Variants in COL13A1 observed in about 807,000 individuals in gnomAD.
COL13A1 encodes the protein collagen alpha-1(XIII) chain.
In COL13A1, 89 loss-of-function variants were observed where a neutral mutation model predicts 130.9. That is an observed-to-expected ratio of 0.68 (90% CI 0.57 to 0.81). The LOEUF (loss-of-function observed/expected upper bound fraction) is 0.81. Among genes scored for constraint, COL13A1 ranks in the 30% least tolerant of loss-of-function variants. The pLI is 0.00. For synonymous variants in COL13A1, 402 were observed against 341.6 expected (o/e 1.18, Z -1.95); for missense variants, 879 against 934.6 (o/e 0.94, Z 0.78).
At chr10:69,844,468 C>T (rs756676568) in intron 2 of COL13A1, among the ~76,000 whole-genome samples, 5 of 152,328 alleles carry the variant, frequency 3.3e-5, no homozygotes, top group Middle Eastern at 3.4e-3. Context: ...ATGCTTCCAT[C>T]GCAAACATAA....
chr10:69,805,504 C>A (rs1841326940), intron 1 of COL13A1, among the ~76,000 whole-genome samples: 1 of 152,050 alleles, frequency 6.6e-6, no homozygotes, highest in Admixed American at 6.5e-5. Flanking sequence ...TAGTCATATG[C>A]AACTCATTAT....
chr10:69,876,352 C>T (rs571594458), intron 5 of COL13A1, among the ~76,000 whole-genome samples: 2 of 152,338 alleles, frequency 1.3e-5, no homozygotes, highest in Non-Finnish European at 2.9e-5. Flanking sequence ...AACCACCCAC[C>T]CCCACTGGCC....
intron 18 of COL13A1, 147 bp from the exon 19 acceptor site, chr10:69,918,138 C>T: frequency 1.6e-6 from 1 of 616,798 alleles, no homozygotes. Context: ...CCCCCACCTC[C>T]CAGGTGGGGT....
Position 69,909,427 on chromosome 10 carries a change from C to A in COL13A1, c.921+3605C>A, listed in dbSNP as rs147427611. Among the ~76,000 whole-genome samples, 541 of 152,370 alleles carry A rather than the reference C, an allele frequency of 3.6e-3. 3 individuals are homozygous for A. The highest frequency in any genetic ancestry group is 0.013 in the African/African-American group (526 of 41,592). ...CACTGGAAGGTTCCCATTGCTTCCACTGCTCCCAACCTGTCACTGAGTCTT... is the reference window on the plus strand; with the variant it reads ...CACTGGAAGGTTCCCATTGCTTCCAATGCTCCCAACCTGTCACTGAGTCTT... On this transcript the variant is annotated intron_variant, in intron 17 of 40. Coordinates refer to ENST00000645393, the MANE Select transcript of COL13A1 (RefSeq NM_001368882.1).
chr10:69,803,363 A>AT (rs1450001944), intron 1 of COL13A1, among the ~76,000 whole-genome samples: 1 of 152,218 alleles, frequency 6.6e-6, no homozygotes, highest in Non-Finnish European at 1.5e-5. Context: ...CATTCTCCAA[A>AT]TTTTTTTGAT....
intron 21 of COL13A1, among the ~76,000 whole-genome samples, chr10:69,921,097 G>T (rs1171928738): frequency 6.6e-6 from 1 of 152,186 alleles, no homozygotes; most frequent in East Asian, 1.9e-4. Flanking sequence ...CACAGTTCTG[G>T]AAGCTGGAAG....
intron 2 of COL13A1, among the ~76,000 whole-genome samples, chr10:69,832,499 G>A (rs1195953243): frequency 2.6e-5 from 4 of 152,208 alleles, no homozygotes; most frequent in South Asian, 2.1e-4. Context: ...GGCGGACCTC[G>A]TGGCACAATG....
chr10:69,855,402 G>A (rs892835756), intron 2 of COL13A1, among the ~76,000 whole-genome samples: 4 of 152,122 alleles, frequency 2.6e-5, no homozygotes, highest in Admixed American at 2.6e-4. Context: ...TTCATTGAGA[G>A]ACAGGGACAA....
chr10:69,895,134 G>T (rs556183861), intron 12 of COL13A1, among the ~76,000 whole-genome samples: 1 of 152,228 alleles, frequency 6.6e-6, no homozygotes, highest in Non-Finnish European at 1.5e-5. Context: ...TGGTACAGGG[G>T]CCTGGCGCTC....
At chr10:69,807,585 C>G (rs1319889465) in intron 1 of COL13A1, among the ~76,000 whole-genome samples, 7 of 152,048 alleles carry the variant, frequency 4.6e-5, no homozygotes, top group Non-Finnish European at 1.0e-4. Context: ...TGGATGGGGT[C>G]CTTTAGGACT....
At chr10:69,860,707 C>A (rs2133822183) in intron 2 of COL13A1, 1 of 285,008 alleles carries the variant, frequency 3.5e-6, no homozygotes. Flanking sequence ...CCATGCCCTC[C>A]TTGCCTGTGG....
intron 27 of COL13A1, among the ~76,000 whole-genome samples, chr10:69,927,540 A>G (rs1471777433): frequency 6.6e-6 from 1 of 152,142 alleles, no homozygotes; most frequent in Non-Finnish European, 1.5e-5. Context: ...AATCAGTTTC[A>G]TTATCTGCAC....
At chr10:69,835,147 C>A (rs957405404) in intron 2 of COL13A1, among the ~76,000 whole-genome samples, 1 of 152,178 alleles carries the variant, frequency 6.6e-6, no homozygotes, top group South Asian at 2.1e-4. Flanking sequence ...TTGTCCCAGG[C>A]TGCTGGGGGC....
chr10:69,879,218 T>C (rs188772604), intron 6 of COL13A1, among the ~76,000 whole-genome samples: 2 of 152,316 alleles, frequency 1.3e-5, no homozygotes, highest in East Asian at 3.9e-4. Flanking sequence ...GGCTCCTAGC[T>C]ACCATGCTAT....
At chr10:69,907,857 A>T (rs933798684) in intron 17 of COL13A1, among the ~76,000 whole-genome samples, 2 of 152,248 alleles carry the variant, frequency 1.3e-5, no homozygotes, top group Non-Finnish European at 2.9e-5. Context: ...CGACAGCAAC[A>T]TTAATTTATT....
rs189307047 is a variant in COL13A1 at position 69,924,800 on chromosome 10, G to A, written c.1285-163G>A. Among the ~76,000 whole-genome samples the A allele has an allele frequency of 7.8e-4, 118 of 152,082 alleles. 2 individuals carry two copies. The highest frequency in any genetic ancestry group is 1.3e-3 in the Non-Finnish European group (89 of 67,980). The stretch of plus-strand genomic sequence containing the variant: ...GAGGGACTCAGAGGGACAGGAGTGT[G>A]GGTGGGTGTTCCCTGGATGTTTCCT... On this transcript the variant is annotated intron_variant, in intron 24 of 40. Transcript: ENST00000645393.
At chr10:69,916,893 A>G (rs979032347) in intron 17 of COL13A1, among the ~76,000 whole-genome samples, 2 of 152,218 alleles carry the variant, frequency 1.3e-5, no homozygotes, top group African/African-American at 4.8e-5. Context: ...AGTCCCAGGC[A>G]GGGACCAGAG....
At chr10:69,912,558 C>T (rs1377602135) in intron 17 of COL13A1, among the ~76,000 whole-genome samples, 7 of 150,800 alleles carry the variant, frequency 4.6e-5, no homozygotes, top group African/African-American at 9.8e-5. Flanking sequence ...CCCCCACCCC[C>T]ACCCCTCCCC....
At chr10:69,886,801 G>A (rs36002361) in intron 7 of COL13A1, among the ~76,000 whole-genome samples, 16,589 of 152,130 alleles carry the variant, frequency 0.11, 951 homozygotes, top group Middle Eastern at 0.25. Context: ...AAATCACTGT[G>A]GTCAGTGAAC....
Sources: allele counts gnomAD v4.1 joint callset (sites outside exome capture counted in the v4.1 genomes callset), GRCh38; gene constraint gnomAD v4.1.1; transcripts MANE v1.5; gene names NCBI Gene and HGNC (gene_info 2026-07-23, HGNC 2026-07-21).